SLC5A10: variants seen among roughly 807,000 people sequenced by gnomAD.
The protein encoded by SLC5A10 is solute carrier family 5 member 10.
Under a neutral mutation model 68.9 loss-of-function variants are expected in SLC5A10, and 55 were observed. The observed-to-expected ratio is 0.80, with a 90% CI of 0.64 to 1.00. SLC5A10 has a LOEUF of 1.00. Ranked by LOEUF, SLC5A10 falls within the 50% of genes least tolerant of loss-of-function variation. SLC5A10 has a pLI of 0.00. For synonymous variants in SLC5A10, 344 were observed against 344.8 expected (o/e 1.00, Z 0.02); for missense variants, 732 against 819.3 (o/e 0.89, Z 1.30).
intron 9 of SLC5A10, among the ~76,000 whole-genome samples, chr17:19,009,182 T>A (rs2043962958): frequency 6.6e-6 from 1 of 151,778 alleles, no homozygotes; most frequent in South Asian, 2.1e-4. Flanking sequence ...TTTGTTTTGT[T>A]GTTGTTGTTG....
intron 9 of SLC5A10, among the ~76,000 whole-genome samples, chr17:19,002,298 C>T (rs774956293): frequency 6.6e-6 from 1 of 152,122 alleles, no homozygotes; most frequent in Non-Finnish European, 1.5e-5. Context: ...AGGGGCCAGG[C>T]GCCCCCACCC....
intron 9 of SLC5A10, among the ~76,000 whole-genome samples, chr17:19,002,829 G>A (rs1386789241): frequency 6.6e-6 from 1 of 152,180 alleles, no homozygotes; most frequent in East Asian, 1.9e-4. Context: ...GTGGAGAAGG[G>A]GAGGGCCAGA....
At chr17:19,015,827 C>A (rs764834144) in intron 11 of SLC5A10, among the ~76,000 whole-genome samples, 1 of 152,190 alleles carries the variant, frequency 6.6e-6, no homozygotes, top group Non-Finnish European at 1.5e-5. Context: ...GGCCAAGAGA[C>A]CTCCCCGACA....
chr17:19,017,569 T>A lies in SLC5A10; in HGVS notation c.1242-1854T>A. 1.6e-6 allele frequency: 1 copy of A among 624,192 alleles called. No homozygotes were observed. The allele number at this position is 624,192 out of a possible 1,614,324, so 38.7% of individuals were successfully genotyped here. The stretch of plus-strand genomic sequence containing the variant: ...AGAGGCTGGAGGAGCCGTCACAGGC[T>A]GGGGGAGAGCGATGACCCGCCCCCA... On this transcript the variant is annotated intron_variant, in intron 11 of 14. Transcript: ENST00000395645. This position sits in a 1 kb window ranked among gnomAD's most constrained non-coding sequence, Gnocchi z 5.6.
intron 1 of SLC5A10, among the ~76,000 whole-genome samples, chr17:18,954,865 G>GT (rs765646328): frequency 1.1e-4 from 17 of 152,114 alleles, no homozygotes; most frequent in Non-Finnish European, 1.9e-4. Flanking sequence ...GAGGTCAGGA[G>GT]TTTGAGACCA....
In SLC5A10 at chr17:18,973,872, A is replaced by AT. The variant is rs1460776287; in HGVS notation, c.846+2663dup. ...GCCACCACACTCGGCTAATTTTTGT[A>AT]TTTTTTTTTAAGTTTTTTTTTTTTT... On this transcript the variant is annotated intron_variant, in intron 8 of 14. Transcript: ENST00000395645. Among the ~76,000 whole-genome samples, 273 of 73,216 alleles carry AT rather than the reference A, an allele frequency of 3.7e-3. 5 individuals are homozygous for AT. Among genetic ancestry groups the AT allele is most frequent in the South Asian group, 0.023 (59 of 2,600 alleles). 48.0% of individuals were successfully genotyped at this position (73,216 alleles called of 152,430 possible).
chr17:18,956,168 T>C (rs1357950042), intron 1 of SLC5A10, among the ~76,000 whole-genome samples: 1 of 151,830 alleles, frequency 6.6e-6, no homozygotes, highest in Non-Finnish European at 1.5e-5. Flanking sequence ...CACTCCATCC[T>C]GGGCAACAAG....
At chr17:18,972,856 G>A (rs1197675663) in intron 8 of SLC5A10, among the ~76,000 whole-genome samples, 8 of 143,336 alleles carry the variant, frequency 5.6e-5, no homozygotes, top group African/African-American at 2.0e-4. Context: ...GGGACAGAGC[G>A]AGACTCCGTC....
In SLC5A10 at chr17:18,959,650, A is replaced by C. The variant is rs1448174825; in HGVS notation, c.335A>C (p.Tyr112Ser). 6.2e-7 allele frequency: 1 copy of C among 1,613,994 alleles called. No individual in the cohort carries two copies. The highest frequency in any genetic ancestry group is 2.2e-5 in the East Asian group (1 of 44,880). ...LALAWVFVPI[Y>S]ISSEIVTLPE... Reference sequence around the variant, plus strand: ...CTGGCATGGGTGTTCGTGCCCATCTACATCTCCTCAGAGGTGAGTCTACTC... The same window carrying C: ...CTGGCATGGGTGTTCGTGCCCATCTCCATCTCCTCAGAGGTGAGTCTACTC... Residue 112 changes from tyrosine to serine, a missense_variant, in exon 4 of 15, where the codon TAC becomes TCC. By Grantham distance (144) the Tyr-to-Ser change is moderately radical. Transcript: ENST00000395645.
In SLC5A10 at chr17:18,952,220, C is replaced by T. The variant is rs1252441371; in HGVS notation, c.15C>T (p.Ser5=). Residue 5 remains serine (S), a synonymous_variant, in exon 1 of 15, where the codon TCC becomes TCT. Coordinates refer to ENST00000395645, the MANE Select transcript of SLC5A10 (RefSeq NM_001042450.4). The part of the protein sequence containing the change: MAAN[S]TSDLHTPGTQ... ...GCAGGACAGCCATGGCCGCCAACTC[C>T]ACCAGCGACCTCCACACTCCCGGGA... The T allele has an allele frequency of 6.2e-7, 1 of 1,613,328 alleles. No homozygotes were observed. The highest frequency in any genetic ancestry group is 1.3e-5 in the African/African-American group (1 of 75,022).
At chr17:18,952,552 C>CT (rs376023147) in intron 1 of SLC5A10, 149 of 474,408 alleles carry the variant, frequency 3.1e-4, no homozygotes, top group African/African-American at 2.7e-3. Context: ...GAAATTCTCT[C>CT]TAACAGGTAA....
chr17:18,978,773 C>G (rs527822798), intron 9 of SLC5A10: 4 of 1,612,954 alleles, frequency 2.5e-6, no homozygotes, highest in Non-Finnish European at 3.4e-6. Flanking sequence ...CTGGAACTGC[C>G]GGTCAAACAT....
chr17:19,015,272 T>G, intron 11 of SLC5A10, 73 bp downstream of exon 11: 1 of 1,113,132 alleles, frequency 9.0e-7, no homozygotes, highest in Non-Finnish European at 1.3e-6. Context: ...CTTTGAGGGA[T>G]GAGCCGGAGT....
chr17:18,977,700 G>A (rs767444753), intron 9 of SLC5A10: 19 of 1,609,994 alleles, frequency 1.2e-5, no homozygotes, highest in Non-Finnish European at 1.2e-5. Flanking sequence ...AAGGTCCCTC[G>A]GGTTATATGG....
In SLC5A10 at chr17:18,996,683, G is replaced by A. The variant is rs2043578718; in HGVS notation, c.983-16727G>A. On this transcript the variant is annotated intron_variant, in intron 9 of 14. Transcript: ENST00000395645. This position sits in a 1 kb window ranked among gnomAD's most constrained non-coding sequence, Gnocchi z 4.4. ...ACAGGTGTCCCTTTTCTGGAGACAG[G>A]GAGGGGTGGTGATGGCCACTCCCAT... is the stretch of plus-strand genomic sequence containing the variant. Among the ~76,000 whole-genome samples the A allele has an allele frequency of 6.6e-6, 1 of 152,310 alleles. No individual in the cohort carries two copies. The highest frequency in any genetic ancestry group is 1.5e-5 in the Non-Finnish European group (1 of 68,024).
In SLC5A10 at chr17:18,969,379, G is replaced by A; in HGVS notation, c.597G>A (p.Gln199=). 1 of 1,613,816 alleles carries A rather than the reference G, an allele frequency of 6.2e-7. No individual in the cohort carries two copies. The highest frequency in any genetic ancestry group is 8.5e-7 in the Non-Finnish European group (1 of 1,180,032). ...LAAVIYTDAL[Q]TLIMVVGAVI... ...CTGTAATCTACACGGACGCCCTGCA[G>A]ACGCTCATCATGGTGGTGGGGGCTG... is the stretch of plus-strand genomic sequence containing the variant. Residue 199 remains glutamine, a synonymous_variant, in exon 7 of 15, where the codon CAG becomes CAA. Coordinates refer to ENST00000395645, the MANE Select transcript of SLC5A10 (RefSeq NM_001042450.4).
chr17:19,009,551 C>A (rs558808578), intron 9 of SLC5A10, among the ~76,000 whole-genome samples: 8 of 152,322 alleles, frequency 5.3e-5, no homozygotes, highest in African/African-American at 1.9e-4. Flanking sequence ...GGTCTGGGAG[C>A]CTTTCTCCTG....
intron 9 of SLC5A10, among the ~76,000 whole-genome samples, chr17:18,984,801 C>T (rs1240730181): frequency 6.6e-6 from 1 of 152,250 alleles, no homozygotes; most frequent in African/African-American, 2.4e-5. Context: ...TAGAGGGTGT[C>T]AGTGAAAGTT....
In SLC5A10 at chr17:19,019,434, T is replaced by G; in HGVS notation, c.1253T>G (p.Val418Gly). The G allele has an allele frequency of 6.2e-7, 1 of 1,610,634 alleles. No individual in the cohort carries two copies. The highest frequency in any genetic ancestry group is 2.2e-5 in the East Asian group (1 of 44,874). Residue 418 changes from valine (V) to glycine (G), a missense_variant, in exon 12 of 15, where the codon GTG becomes GGG. Val to Gly is a moderately radical substitution (Grantham distance 109, BLOSUM62 -3). Coordinates refer to ENST00000395645, the MANE Select transcript of SLC5A10 (RefSeq NM_001042450.4). ...CCACTCGCCTGCAGGCTGGTCATAG[T>G]GGCACTCATCGGCGTGAGTGTGGCC... is the stretch of plus-strand genomic sequence containing the variant. ...ELLLVGRLVI[V>G]ALIGVSVAWI...
Sources: gnomAD v4.1 joint callset for allele counts (sites outside exome capture counted in the v4.1 genomes callset) on GRCh38, gnomAD v4.1.1 for gene constraint, Gnocchi (gnomAD v3.1) non-coding constraint, MANE v1.5 for transcripts, NCBI Gene and HGNC (gene_info 2026-07-23, HGNC 2026-07-21) for gene names.